Variants in LYN observed in about 807,000 individuals in gnomAD.
The protein encoded by LYN is LYN proto-oncogene, Src family tyrosine kinase.
In LYN, 12 loss-of-function variants were observed where a neutral mutation model predicts 65.0. That is an observed-to-expected ratio of 0.18 (90% CI 0.12 to 0.30). The LOEUF (loss-of-function observed/expected upper bound fraction) is 0.30, where lower values mean the gene tolerates loss of function less well. Ranked by LOEUF, LYN falls within the 10% of genes least tolerant of loss-of-function variation. The pLI, the probability that LYN is intolerant of heterozygous loss-of-function variation, is 1.00. For synonymous variants in LYN, 222 were observed against 221.2 expected (o/e 1.00, Z -0.03); for missense variants, 380 against 623.2 (o/e 0.61, Z 4.16).
At chr8:55,933,375 A>G (rs1329443666) in intron 1 of LYN, among the ~76,000 whole-genome samples, 1 of 152,238 alleles carries the variant, frequency 6.6e-6, no homozygotes, top group African/African-American at 2.4e-5. Flanking sequence ...AATTTGACAA[A>G]CAAGCCTATT....
chr8:55,900,321 A>G (rs1191030997), intron 1 of LYN, among the ~76,000 whole-genome samples: 1 of 152,166 alleles, frequency 6.6e-6, no homozygotes, highest in Non-Finnish European at 1.5e-5. Flanking sequence ...CTCAGTTTAT[A>G]TCTATTATAA....
chr8:55,991,533 T>C (rs914972224), intron 10 of LYN, among the ~76,000 whole-genome samples: 3 of 152,204 alleles, frequency 2.0e-5, no homozygotes, highest in African/African-American at 7.2e-5. Context: ...AGCATTATTA[T>C]TAATATGTTC....
intron 8 of LYN, among the ~76,000 whole-genome samples, chr8:55,963,389 G>A (rs990214201): frequency 6.6e-6 from 1 of 152,226 alleles, no homozygotes; most frequent in African/African-American, 2.4e-5. Flanking sequence ...TTAGAGAGAT[G>A]TGGGCCCCAA....
At chr8:55,946,528 T>G in intron 3 of LYN, 35 bp downstream of exon 3, 1 of 1,362,194 alleles carries the variant, frequency 7.3e-7, no homozygotes, top group Non-Finnish European at 1.0e-6. Context: ...AAAATTTTTT[T>G]TCTTTACTAT....
rs369937559 is a variant in LYN at position 55,971,009 on chromosome 8, G to T, written c.1050+1216G>T. ...CTGGTGGAAGCTGGGAAAACCCAAGGGAGGGCAATGCCCATCCTTCCAGTA... is the reference window on the plus strand; with the variant it reads ...CTGGTGGAAGCTGGGAAAACCCAAGTGAGGGCAATGCCCATCCTTCCAGTA... On this transcript the variant is annotated intron_variant, in intron 10 of 12. Coordinates refer to ENST00000519728, the MANE Select transcript of LYN (RefSeq NM_002350.4). Among the ~76,000 whole-genome samples the T allele has an allele frequency of 1.8e-3, 275 of 152,310 alleles. 13 individuals are homozygous for T. In the South Asian group the frequency reaches 0.054, roughly 30 times the overall value.
At chr8:55,933,404 C>T (rs1287207288) in intron 1 of LYN, among the ~76,000 whole-genome samples, 1 of 152,232 alleles carries the variant, frequency 6.6e-6, no homozygotes, top group Non-Finnish European at 1.5e-5. Context: ...GTATTCCAAA[C>T]AGTCCCACAA....
At chr8:55,881,920 A>G (rs1189922575) in intron 1 of LYN, among the ~76,000 whole-genome samples, 2 of 152,236 alleles carry the variant, frequency 1.3e-5, no homozygotes, top group Non-Finnish European at 2.9e-5. Flanking sequence ...AGAAGGAATG[A>G]AGGCCTCCTG....
At chr8:55,928,306 C>G (rs755226563) in intron 1 of LYN, among the ~76,000 whole-genome samples, 15 of 152,104 alleles carry the variant, frequency 9.9e-5, no homozygotes, top group Non-Finnish European at 1.2e-4. Flanking sequence ...CCACCACGCC[C>G]GGCTAGTTTT....
chr8:55,959,183 T>G (rs1807205468), intron 8 of LYN, among the ~76,000 whole-genome samples: 1 of 152,228 alleles, frequency 6.6e-6, no homozygotes, highest in Admixed American at 6.5e-5. Flanking sequence ...AGTTGTCATT[T>G]TAATAGATGT....
At chr8:55,911,131 A>ATACATATATATATACGTGTATATATATG (rs1805599914) in intron 1 of LYN, among the ~76,000 whole-genome samples, 1 of 9,164 alleles carries the variant, frequency 1.1e-4, no homozygotes, top group Non-Finnish European at 1.8e-4. Flanking sequence ...ATATATACAC[A>ATACATATATATATACGTGTATATATATG]TACATATATA....
intron 1 of LYN, among the ~76,000 whole-genome samples, chr8:55,909,004 T>TAC (rs1805513663): frequency 3.6e-5 from 1 of 27,846 alleles, no homozygotes; most frequent in Non-Finnish European, 6.5e-5. Context: ...TATATATATA[T>TAC]ATATATACAC....
chr8:55,909,500 C>T (rs779983528), intron 1 of LYN, among the ~76,000 whole-genome samples: 5 of 152,214 alleles, frequency 3.3e-5, no homozygotes, highest in African/African-American at 9.6e-5. Flanking sequence ...TCTAGTCATC[C>T]GCTGATGGAC....
intron 1 of LYN, among the ~76,000 whole-genome samples, chr8:55,884,791 A>C (rs985413083): frequency 2.0e-5 from 3 of 152,168 alleles, no homozygotes; most frequent in Admixed American, 6.5e-5. Flanking sequence ...AATACTTGGG[A>C]TGATGTATTA....
intron 1 of LYN, among the ~76,000 whole-genome samples, chr8:55,936,847 AG>A (rs1806449850): frequency 6.6e-6 from 1 of 152,242 alleles, no homozygotes; most frequent in African/African-American, 2.4e-5. Context: ...ACAGCTTTGA[AG>A]CCAGACCAAG....
intron 10 of LYN, among the ~76,000 whole-genome samples, chr8:55,974,878 G>A (rs1807712415): frequency 6.6e-6 from 1 of 152,138 alleles, no homozygotes; most frequent in Non-Finnish European, 1.5e-5. Flanking sequence ...CGAGTCAGAC[G>A]TGGTGGCAAG....
At chr8:55,927,077 T>C (rs1806129316) in intron 1 of LYN, among the ~76,000 whole-genome samples, 1 of 152,254 alleles carries the variant, frequency 6.6e-6, no homozygotes, top group African/African-American at 2.4e-5. Flanking sequence ...TTGTTATCAC[T>C]GATAAGCCAA....
chr8:55,930,139 C>T (rs1806218275), intron 1 of LYN, among the ~76,000 whole-genome samples: 1 of 152,144 alleles, frequency 6.6e-6, no homozygotes, highest in Non-Finnish European at 1.5e-5. Context: ...GGAAAAATTG[C>T]CTTCCATGAA....
intron 1 of LYN, among the ~76,000 whole-genome samples, chr8:55,907,114 C>T (rs1033168850): frequency 6.6e-6 from 1 of 152,054 alleles, no homozygotes; most frequent in Non-Finnish European, 1.5e-5. Flanking sequence ...AACATAGGTC[C>T]ACAAAAAGAC....
intron 1 of LYN, among the ~76,000 whole-genome samples, chr8:55,915,575 G>A (rs903441203): frequency 1.1e-4 from 16 of 152,078 alleles, no homozygotes; most frequent in African/African-American, 3.6e-4. Flanking sequence ...GCATGGTGGC[G>A]GATGCCTGTA....
Sources: gnomAD v4.1 joint callset for allele counts (sites outside exome capture counted in the v4.1 genomes callset) on GRCh38, gnomAD v4.1.1 for gene constraint, MANE v1.5 for transcripts, NCBI Gene and HGNC (gene_info 2026-07-23, HGNC 2026-07-21) for gene names.